Variants in ZRANB3 observed in about 807,000 individuals in gnomAD.
ZRANB3 encodes the protein DNA annealing helicase and endonuclease ZRANB3.
ZRANB3 carries 125 observed loss-of-function variants against 133.8 expected under a neutral mutation model. The ratio of observed to expected loss-of-function variants is 0.93; its 90% CI spans 0.81 to 1.08. ZRANB3 has a LOEUF of 1.08. ZRANB3 is among the 50% of genes least tolerant of loss of function. The pLI is 0.00. For synonymous variants in ZRANB3, 387 were observed against 432.7 expected (o/e 0.89, Z 1.31); for missense variants, 1,229 against 1,275.5 (o/e 0.96, Z 0.56).
intron 12 of ZRANB3, among the ~76,000 whole-genome samples, chr2:135,258,279 T>G (rs1188155204): frequency 6.6e-6 from 1 of 152,188 alleles, no homozygotes; most frequent in Non-Finnish European, 1.5e-5. Flanking sequence ...AATAACATAA[T>G]GTTATGTAAG....
chr2:135,438,479 T>C (rs1004967006), intron 2 of ZRANB3, among the ~76,000 whole-genome samples: 1 of 140,964 alleles, frequency 7.1e-6, no homozygotes, highest in Non-Finnish European at 1.5e-5. Flanking sequence ...CACTCTAGCA[T>C]GGGTGACAAG....
intron 15 of ZRANB3, among the ~76,000 whole-genome samples, chr2:135,219,671 T>C (rs914111137): frequency 3.9e-5 from 6 of 152,172 alleles, no homozygotes; most frequent in Admixed American, 2.6e-4. Context: ...CACCAAATGA[T>C]ATGCCTGTCC....
intron 2 of ZRANB3, among the ~76,000 whole-genome samples, chr2:135,448,766 AAAG>A (rs1490878242): frequency 2.0e-5 from 3 of 152,224 alleles, no homozygotes; most frequent in African/African-American, 7.2e-5. Context: ...AAAACTTTGT[AAAG>A]AAGGGGAGAG....
intron 6 of ZRANB3, among the ~76,000 whole-genome samples, chr2:135,341,029 T>C (rs899305618): frequency 8.7e-5 from 13 of 149,736 alleles, no homozygotes; most frequent in East Asian, 7.7e-4. Context: ...TATTTATTGA[T>C]TGATTGATTG....
At chr2:135,529,383 C>A (rs775943496) in intron 1 of ZRANB3, among the ~76,000 whole-genome samples, 7 of 152,142 alleles carry the variant, frequency 4.6e-5, no homozygotes, top group Non-Finnish European at 8.8e-5. Flanking sequence ...AAATCAGGGC[C>A]TTACGTGCTA....
At chr2:135,228,075 A>G in intron 13 of ZRANB3, 60 bp from the exon 14 acceptor site, 1 of 1,326,672 alleles carries the variant, frequency 7.5e-7, no homozygotes, top group Non-Finnish European at 1.0e-6. Context: ...TAAAGTAAAA[A>G]GAATGTAACA....
At chr2:135,206,886 C>T (rs564957946) in intron 19 of ZRANB3, among the ~76,000 whole-genome samples, 39 of 152,092 alleles carry the variant, frequency 2.6e-4, no homozygotes, top group Middle Eastern at 3.4e-3. Context: ...AGGAGATGGC[C>T]GGGCATGATG....
At chr2:135,393,933 C>G (rs1051561651) in intron 2 of ZRANB3, among the ~76,000 whole-genome samples, 1 of 152,146 alleles carries the variant, frequency 6.6e-6, no homozygotes, top group Non-Finnish European at 1.5e-5. Context: ...TCTCGGCTCA[C>G]TGCAACCTCT....
chr2:135,284,245 AAGTT>A (rs1030330578), intron 8 of ZRANB3, among the ~76,000 whole-genome samples: 6 of 152,256 alleles, frequency 3.9e-5, no homozygotes, highest in Non-Finnish European at 7.3e-5. Context: ...AAAATTAAAT[AAGTT>A]AGTCCATGAA....
chr2:135,448,657 C>T (rs1442541542), intron 2 of ZRANB3, among the ~76,000 whole-genome samples: 2 of 152,166 alleles, frequency 1.3e-5, no homozygotes, highest in Non-Finnish European at 2.9e-5. Flanking sequence ...AGACTTCATG[C>T]ACTCTGATTA....
intron 2 of ZRANB3, among the ~76,000 whole-genome samples, chr2:135,497,481 A>T (rs1692727032): frequency 6.6e-6 from 1 of 152,250 alleles, no homozygotes; most frequent in Non-Finnish European, 1.5e-5. Context: ...TGAATTAATT[A>T]AAATTAGTAA....
intron 1 of ZRANB3, among the ~76,000 whole-genome samples, chr2:135,527,625 A>G (rs1272466645): frequency 1.3e-5 from 2 of 152,212 alleles, no homozygotes; most frequent in Non-Finnish European, 2.9e-5. Context: ...AAAATAAATT[A>G]TTAATTGAAA....
chr2:135,481,742 G>A (rs530934871), intron 2 of ZRANB3, among the ~76,000 whole-genome samples: 249 of 150,884 alleles, frequency 1.7e-3, no homozygotes, highest in African/African-American at 5.9e-3. Flanking sequence ...GGTTTTTATG[G>A]TTTTAGGTAT....
chr2:135,493,596 T>G (rs1692517839), intron 2 of ZRANB3, among the ~76,000 whole-genome samples: 1 of 152,062 alleles, frequency 6.6e-6, no homozygotes, highest in Non-Finnish European at 1.5e-5. Context: ...AAGTACAAAG[T>G]AAAACATAAT....
chr2:135,443,373 G>A (rs1226355464), intron 2 of ZRANB3, among the ~76,000 whole-genome samples: 1 of 145,740 alleles, frequency 6.9e-6, no homozygotes, highest in African/African-American at 2.6e-5. Context: ...TCACACAGTG[G>A]GGCCTGTCAG....
chr2:135,320,757 G>A (rs758862922), intron 6 of ZRANB3, among the ~76,000 whole-genome samples: 5 of 152,170 alleles, frequency 3.3e-5, no homozygotes, highest in Non-Finnish European at 7.3e-5. Context: ...TCACCCTCTG[G>A]TTTTTTAAAG....
intron 3 of ZRANB3, among the ~76,000 whole-genome samples, chr2:135,375,607 C>T (rs1686388787): frequency 6.6e-6 from 1 of 152,068 alleles, no homozygotes; most frequent in South Asian, 2.1e-4. Context: ...ATGGCGTGAA[C>T]CTGGGAGGCG....
At position 135,426,394 on chromosome 2, in the gene ZRANB3, C is replaced by T. The variant is rs983034273; in HGVS notation, c.162-35574G>A. 2.0e-5 allele frequency among the ~76,000 whole-genome samples: 3 copies of T among 152,002 alleles called. No individual in the cohort carries two copies. The East Asian group carries it at 5.8e-4, about 29-fold the overall frequency. On this transcript the variant is annotated intron_variant, in intron 2 of 20. Transcript: ENST00000264159. The stretch of plus-strand genomic sequence containing the variant: ...AGAGCCACAACAACAACAACAACAA[C>T]AAAATATCAGGCCAATATCCTTGAT...
At chr2:135,399,309 C>T (rs867985815) in intron 2 of ZRANB3, among the ~76,000 whole-genome samples, 8 of 152,252 alleles carry the variant, frequency 5.3e-5, no homozygotes, top group Middle Eastern at 6.8e-3. Flanking sequence ...ATCAGAAATA[C>T]AGTGTTTTAA....
Sources: allele counts gnomAD v4.1 joint callset (sites outside exome capture counted in the v4.1 genomes callset), GRCh38; gene constraint gnomAD v4.1.1; transcripts MANE v1.5; gene names NCBI Gene and HGNC (gene_info 2026-07-23, HGNC 2026-07-21).